PRIMPOL: variants seen among roughly 807,000 people sequenced by gnomAD.
The protein encoded by PRIMPOL is primase and DNA directed polymerase.
A neutral mutation model predicts 63.6 loss-of-function variants in PRIMPOL; 54 were observed. The ratio of observed to expected loss-of-function variants is 0.85; its 90% confidence interval spans 0.68 to 1.07. The LOEUF (loss-of-function observed/expected upper bound fraction) is 1.07, where lower values mean the gene tolerates loss of function less well. Ranked by LOEUF, PRIMPOL falls within the 50% of genes least tolerant of loss-of-function variation. The pLI, the probability that PRIMPOL is intolerant of heterozygous loss-of-function variation, is 0.00. For synonymous variants in PRIMPOL, 197 were observed against 220.2 expected, an observed-to-expected ratio of 0.89 and a Z score of 0.93; for missense variants, 610 against 648.3, an observed-to-expected ratio of 0.94 and a Z score of 0.64.
At chr4:184,694,330 T>TTCAGTGCAGCAACGTTTGAA in intron 13 of PRIMPOL, 192 bp from the exon 14 acceptor site, 1 of 1,356,376 alleles carries the variant, frequency 7.4e-7, no homozygotes, top group Non-Finnish European at 9.5e-7. Context: ...GTGTCTGAGC[T>TTCAGTGCAGCAACGTTTGAA]TCAGTGCAGC....
At position 184,694,872 on chromosome 4, in the gene PRIMPOL, C is replaced by CT; in HGVS notation, c.*94dup. 1.8e-6 allele frequency: 2 copies of CT among 1,112,644 alleles called. No individual in the cohort carries two copies. The highest frequency in any genetic ancestry group is 2.4e-5 in the East Asian group (1 of 40,950). The allele number at this position is 1,112,644 out of a possible 1,614,324, so 68.9% of individuals were successfully genotyped here. A position where few individuals can be genotyped will look rare whatever the true frequency, so the allele number is the denominator to read the frequency against. On this transcript the variant is annotated 3_prime_UTR_variant, in exon 14 of 14. Coordinates refer to ENST00000314970, the MANE Select transcript of PRIMPOL (RefSeq NM_152683.4). ...ATATCATTCAACCTGTTTATATAAA[C>CT]TAAGTTTTATTACTTTGCTTTCCAA...
At chr4:184,667,606 G>T (rs984696630) in intron 6 of PRIMPOL, among the ~76,000 whole-genome samples, 3 of 152,258 alleles carry the variant, frequency 2.0e-5, no homozygotes, top group African/African-American at 7.2e-5. Flanking sequence ...CACCGTGCCT[G>T]GCCGAAAGTG....
At position 184,657,415 on chromosome 4, in the gene PRIMPOL, A is replaced by G. The variant is rs994990165; in HGVS notation, c.180+95A>G. The G allele has an allele frequency of 7.5e-5, 79 of 1,052,208 alleles. 2 individuals carry two copies. The South Asian group carries it at 1.0e-3, about 13-fold the overall frequency. 65.2% of individuals were successfully genotyped at this position (1,052,208 alleles called of 1,614,324 possible). On this transcript the variant is annotated intron_variant, in intron 3 of 13. Transcript: ENST00000314970. ...ATAATTTCAGTTCTTTAAAAAAAAAAGTCTATTATTTGTCTTCATTTCAGG... is the reference window on the plus strand; with the variant it reads ...ATAATTTCAGTTCTTTAAAAAAAAAGGTCTATTATTTGTCTTCATTTCAGG...
At chr4:184,694,343 CG>C (rs1759953620) in intron 13 of PRIMPOL, 178 bp from the exon 14 acceptor site, 1 of 1,380,840 alleles carries the variant, frequency 7.2e-7, no homozygotes, top group Admixed American at 3.0e-5. Flanking sequence ...AGTGCAGCAA[CG>C]TTTGAATCAG....
intron 6 of PRIMPOL, among the ~76,000 whole-genome samples, chr4:184,666,355 C>T (rs970400500): frequency 2.6e-5 from 4 of 152,020 alleles, no homozygotes; most frequent in Non-Finnish European, 4.4e-5. Flanking sequence ...CCCAGCTACT[C>T]GGGATGCTGA....
chr4:184,660,360 T>C (rs997863624), intron 4 of PRIMPOL, among the ~76,000 whole-genome samples: 2 of 151,918 alleles, frequency 1.3e-5, no homozygotes, highest in African/African-American at 4.8e-5. Flanking sequence ...TTTGTATTTT[T>C]AGTAGAGACG....
At chr4:184,693,132 A>G in intron 13 of PRIMPOL, among the ~76,000 whole-genome samples, 1 of 152,192 alleles carries the variant, frequency 6.6e-6, no homozygotes, top group East Asian at 1.9e-4. Context: ...CGTCTCTCGA[A>G]AAAACTCCAT....
At chr4:184,662,932 T>A (rs1219629441) in intron 5 of PRIMPOL, among the ~76,000 whole-genome samples, 2 of 151,116 alleles carry the variant, frequency 1.3e-5, no homozygotes, top group Non-Finnish European at 2.9e-5. Flanking sequence ...CAAATTATAT[T>A]TTTCTTCAAA....
At chr4:184,658,371 G>T (rs1441290246) in intron 3 of PRIMPOL, among the ~76,000 whole-genome samples, 2 of 152,084 alleles carry the variant, frequency 1.3e-5, no homozygotes, top group Non-Finnish European at 2.9e-5. Flanking sequence ...ATAGATAGGG[G>T]TATGCTTGTT....
intron 6 of PRIMPOL, among the ~76,000 whole-genome samples, chr4:184,669,081 G>A (rs1323181527): frequency 5.3e-5 from 8 of 152,000 alleles, no homozygotes; most frequent in Non-Finnish European, 1.0e-4. Context: ...CTTACCATTC[G>A]TGCATTCATT....
At chr4:184,693,023 T>G (rs879776784) in intron 13 of PRIMPOL, among the ~76,000 whole-genome samples, 15 of 152,234 alleles carry the variant, frequency 9.9e-5, no homozygotes, top group Admixed American at 9.8e-4. Flanking sequence ...GTCACATCTG[T>G]CAGCTTTCTC....
intron 6 of PRIMPOL, among the ~76,000 whole-genome samples, 172 bp from the exon 7 acceptor site, chr4:184,672,001 A>C (rs986425248): frequency 1.3e-5 from 2 of 152,170 alleles, no homozygotes; most frequent in Non-Finnish European, 2.9e-5. Context: ...CGGCCTCCCA[A>C]AGTGCTGGGA....
At chr4:184,678,206 T>G in intron 7 of PRIMPOL, 26 bp from the exon 8 acceptor site, 1 of 1,447,142 alleles carries the variant, frequency 6.9e-7, no homozygotes, top group East Asian at 2.4e-5. Flanking sequence ...CATGCTTTCA[T>G]ATTGTTTTAT....
intron 11 of PRIMPOL, among the ~76,000 whole-genome samples, chr4:184,688,878 T>C (rs1328681926): frequency 6.6e-6 from 1 of 152,140 alleles, no homozygotes; most frequent in Non-Finnish European, 1.5e-5. Context: ...ACATTTTCTC[T>C]GAGGCTGACA....
At chr4:184,691,352 T>C (rs1758469307) in intron 11 of PRIMPOL, 147 bp from the exon 12 acceptor site, 3 of 541,364 alleles carry the variant, frequency 5.5e-6, no homozygotes, top group East Asian at 3.0e-5. Context: ...ACCGTTTTGA[T>C]TGGTATGTAT....
At chr4:184,691,626 A>G in intron 12 of PRIMPOL, 40 bp from the exon 13 acceptor site, 7 of 1,602,212 alleles carry the variant, frequency 4.4e-6, no homozygotes, top group Non-Finnish European at 4.3e-6. Context: ...AAAATTAGAT[A>G]ACTGTAATAT....
intron 3 of PRIMPOL, among the ~76,000 whole-genome samples, chr4:184,658,043 A>T (rs1207662886): frequency 4.2e-5 from 6 of 141,628 alleles, no homozygotes; most frequent in Admixed American, 2.9e-4. Flanking sequence ...AATATCACTA[A>T]ATCAAGCAAC....
Position 184,661,860 on chromosome 4 carries a change from A to T in PRIMPOL, c.365A>T (p.Asn122Ile), listed in dbSNP as rs754812823. 2.2e-5 allele frequency: 36 copies of T among 1,613,686 alleles called. No homozygotes were observed. The highest frequency in any genetic ancestry group is 3.1e-5 in the Non-Finnish European group (36 of 1,179,750). Residue 122 changes from asparagine to isoleucine, a missense_variant, in exon 5 of 14, where the codon AAC becomes ATC. Transcript: ENST00000314970. ...GATTTGGAATTTAACAAACCTGCCA[A>T]CCCAGGAGCTGATGGGAAAAAGATG... ...YFDLEFNKPA[N>I]PGADGKKMVA...
chr4:184,690,300 T>C (rs13132498), intron 11 of PRIMPOL, among the ~76,000 whole-genome samples: 83,935 of 152,012 alleles, frequency 0.55, 25,197 homozygotes, highest in Non-Finnish European at 0.69. Flanking sequence ...ACAATATTGT[T>C]TTCTTAAAAA....
Sources: allele counts gnomAD v4.1 joint callset (sites outside exome capture counted in the v4.1 genomes callset), GRCh38; gene constraint gnomAD v4.1.1; transcripts MANE v1.5; gene names NCBI Gene and HGNC (gene_info 2026-07-23, HGNC 2026-07-21).